The following CFAP221 variants were observed in gnomAD, a reference collection of about 807,000 sequenced individuals.
CFAP221 encodes the protein cilia and flagella associated protein 221.
Under a neutral mutation model 113.1 loss-of-function variants are expected in CFAP221, and 97 were observed. The ratio of observed to expected loss-of-function variants is 0.86; its 90% CI spans 0.73 to 1.02. The LOEUF is 1.02. CFAP221 is among the 50% of genes least tolerant of loss of function. The probability of loss-of-function intolerance (pLI) is 0.00; values close to 1 mark genes in which losing one functional copy is unlikely to be tolerated. For synonymous variants in CFAP221, 331 were observed against 354.4 expected, an observed-to-expected ratio of 0.93 and a Z score of 0.74; for missense variants, 1,025 against 1,013.4, an observed-to-expected ratio of 1.01 and a Z score of -0.16.
Position 119,604,747 on chromosome 2 carries a change from A to T in CFAP221, c.867A>T (p.Ile289=), listed in dbSNP as rs375900727. The stretch of plus-strand genomic sequence containing the variant: ...CTCCAGAAAAAGCAATGATGCATAT[A>T]AATTTTCACCGACCGCCAGCGAAGC... The part of the protein sequence containing the change: ...NVPPEKAMMH[I]NFHRPPAKPK... The change falls in exon 9 of 24, where the codon ATA becomes ATT. Residue 289 remains isoleucine, a synonymous_variant. Transcript: ENST00000413369. 1.7e-4 allele frequency: 257 copies of T among 1,548,890 alleles called. No individual in the cohort carries two copies. The highest frequency in any genetic ancestry group is 2.2e-4 in the Non-Finnish European group (255 of 1,152,392).
intron 19 of CFAP221, among the ~76,000 whole-genome samples, chr2:119,637,903 C>G (rs1381049253): frequency 3.9e-5 from 6 of 152,060 alleles, no homozygotes; most frequent in Non-Finnish European, 8.8e-5. Context: ...TTTTTTAAAC[C>G]AGTGTGCTCA....
In CFAP221 at chr2:119,559,916, C is replaced by T. The variant is rs1681107752; in HGVS notation, c.328-12C>T. 6 of 1,533,078 alleles carry T rather than the reference C, an allele frequency of 3.9e-6. No homozygotes were observed. The highest frequency in any genetic ancestry group is 5.2e-6 in the Non-Finnish European group (6 of 1,144,192). 95.0% of individuals were successfully genotyped at this position (1,533,078 alleles called of 1,614,324 possible). A position where few individuals can be genotyped will look rare whatever the true frequency, so the allele number is the denominator to read the frequency against. ...CGGGGCTTGTCCCAACAAGATGCCA[C>T]CTGTCTTCCAGGAACACCACCTGGT... is the stretch of plus-strand genomic sequence containing the variant. On this transcript the variant is annotated splice_polypyrimidine_tract_variant and intron_variant, in intron 4 of 23. Coordinates refer to ENST00000413369, the MANE Select transcript of CFAP221 (RefSeq NM_001271049.2).
intron 6 of CFAP221, among the ~76,000 whole-genome samples, chr2:119,571,150 T>C (rs1011656624): frequency 6.1e-5 from 9 of 147,342 alleles, no homozygotes; most frequent in African/African-American, 2.3e-4. Flanking sequence ...TTTTTTTTTT[T>C]TTTTTTTGAG....
In CFAP221 at chr2:119,652,102, T is replaced by C. The variant is rs191049845; in HGVS notation, c.2414+33T>C. ...GATGCTTTTATGCCTTATTAAAAGG[T>C]AATCTTGGATGAAATTTGTTCTGCA... On this transcript the variant is annotated intron_variant, in intron 23 of 23. Coordinates refer to ENST00000413369, the MANE Select transcript of CFAP221 (RefSeq NM_001271049.2). 9.6e-5 allele frequency: 146 copies of C among 1,528,256 alleles called. No individual in the cohort carries two copies. In the African/African-American group the frequency reaches 1.5e-3, roughly 16 times the overall value. 94.7% of individuals were successfully genotyped at this position (1,528,256 alleles called of 1,614,324 possible). A position where few individuals can be genotyped will look rare whatever the true frequency, so the allele number is the denominator to read the frequency against.
intron 7 of CFAP221, among the ~76,000 whole-genome samples, chr2:119,596,290 T>G (rs1378424532): frequency 6.6e-6 from 1 of 152,140 alleles, no homozygotes; most frequent in Admixed American, 6.5e-5. Context: ...AGTGGGTGGC[T>G]AGGGGGTGCG....
chr2:119,622,167 A>C (rs1208751744), intron 14 of CFAP221, among the ~76,000 whole-genome samples: 6 of 152,200 alleles, frequency 3.9e-5, no homozygotes, highest in Admixed American at 3.9e-4. Context: ...AGACACAATA[A>C]AAAATTATAA....
downstream of CFAP221, among the ~76,000 whole-genome samples, chr2:119,658,615 A>G (rs574154324): frequency 4.6e-5 from 7 of 150,888 alleles, no homozygotes; most frequent in East Asian, 7.7e-4. Context: ...GCCCCCCTCA[A>G]CACGCACACA....
intron 2 of CFAP221, among the ~76,000 whole-genome samples, chr2:119,546,701 A>C (rs1391725322): frequency 6.6e-6 from 1 of 152,140 alleles, no homozygotes; most frequent in African/African-American, 2.4e-5. Context: ...TCACTGTCTG[A>C]TCTGAACCTG....
At chr2:119,643,529 T>A (rs1191348313) in intron 21 of CFAP221, among the ~76,000 whole-genome samples, 2 of 152,166 alleles carry the variant, frequency 1.3e-5, no homozygotes, top group African/African-American at 4.8e-5. Context: ...TTTTACTTTG[T>A]CAAGTAAGGA....
intron 19 of CFAP221, among the ~76,000 whole-genome samples, chr2:119,631,306 T>TA (rs1348624523): frequency 2.6e-5 from 4 of 152,146 alleles, no homozygotes; most frequent in Admixed American, 1.3e-4. Context: ...GCTACCCCTT[T>TA]AAAAAATTAG....
At chr2:119,650,518 TC>T (rs1047250691) in intron 22 of CFAP221, among the ~76,000 whole-genome samples, 10 of 152,364 alleles carry the variant, frequency 6.6e-5, no homozygotes, top group African/African-American at 2.4e-4. Flanking sequence ...CTCCGTTTCC[TC>T]ATCTTTGAAA....
rs146566593 is a variant in CFAP221 at position 119,627,716 on chromosome 2, C to T, written c.1580C>T (p.Ser527Phe). 3 of 1,613,842 alleles carry T rather than the reference C, an allele frequency of 1.9e-6. No individual in the cohort carries two copies. The African/African-American group carries it at 4.0e-5, about 22-fold the overall frequency. The part of the protein sequence containing the change: ...ISQDDYTSRF[S>F]VSPKEVLPFA... ...CAGGATGATTATACCAGCCGGTTCT[C>T]TGTGTCGCCCAAGGAGGTGCTGCCC... The change falls in exon 16 of 24, where the codon TCT becomes TTT. Residue 527 changes from serine to phenylalanine, a missense_variant. Ser to Phe is a radical substitution (Grantham distance 155). Transcript: ENST00000413369.
intron 8 of CFAP221, among the ~76,000 whole-genome samples, chr2:119,604,442 GAATGT>G (rs1558952580): frequency 1.3e-5 from 2 of 151,630 alleles, no homozygotes; most frequent in Non-Finnish European, 2.9e-5. Flanking sequence ...CAAAAAAAAA[GAATGT>G]AAGGCAAAAA....
intron 6 of CFAP221, among the ~76,000 whole-genome samples, chr2:119,583,829 T>C (rs1196417053): frequency 6.6e-6 from 1 of 152,184 alleles, no homozygotes; most frequent in East Asian, 1.9e-4. Context: ...GCCCCTTCCA[T>C]TATGCGAAGA....
Position 119,638,301 on chromosome 2 carries a change from T to A in CFAP221, c.2017T>A (p.Tyr673Asn). Residue 673 changes from tyrosine (Y) to asparagine (N), a missense_variant, in exon 20 of 24, where the codon TAT (tyrosine) becomes AAT (asparagine). Tyr to Asn is a moderately radical substitution (Grantham distance 143). Coordinates refer to ENST00000413369, the MANE Select transcript of CFAP221 (RefSeq NM_001271049.2). ...ATTTGCTGTAATGCATCCTCTGACC[T>A]ATGCAGAAACGTTGATAGATTACCA... is the stretch of plus-strand genomic sequence containing the variant. ...GLFAVMHPLTYAETLIDYHLC... is the reference protein window; with the variant it reads ...GLFAVMHPLTNAETLIDYHLC... 1 of 1,614,106 alleles carries A rather than the reference T, an allele frequency of 6.2e-7. No homozygotes were observed.
At chr2:119,621,322 G>A (rs1685904520) in intron 14 of CFAP221, among the ~76,000 whole-genome samples, 1 of 151,858 alleles carries the variant, frequency 6.6e-6, no homozygotes, top group South Asian at 2.1e-4. Flanking sequence ...ATGGTAAAGG[G>A]ATCAACACAA....
At chr2:119,603,142 A>G (rs149925893) in intron 8 of CFAP221, among the ~76,000 whole-genome samples, 15 of 152,156 alleles carry the variant, frequency 9.9e-5, no homozygotes, top group Non-Finnish European at 4.4e-5. Context: ...TGCTTTCTTC[A>G]TTTCATTATA....
At chr2:119,630,165 A>G (rs2104762094) in intron 17 of CFAP221, among the ~76,000 whole-genome samples, 1 of 152,364 alleles carries the variant, frequency 6.6e-6, no homozygotes, top group African/African-American at 2.4e-5. Context: ...CTCTGTGGAT[A>G]TACCTATATC....
In CFAP221 at chr2:119,608,589, GGT is replaced by G; in HGVS notation, c.1221+1_1221+2del. ...GGCAAAAAGCATGTGCCAAATATAA[GGT>G]CAGAGTTACTGCTAATTTGCTATCA... is the stretch of plus-strand genomic sequence containing the variant. On this transcript the variant is annotated splice_donor_variant, in intron 12 of 23. Transcript: ENST00000413369. LOFTEE classifies it high-confidence loss of function. 1 of 1,606,254 alleles carries G rather than the reference GGT, an allele frequency of 6.2e-7. No homozygotes were observed. The highest frequency in any genetic ancestry group is 8.5e-7 in the Non-Finnish European group (1 of 1,175,010).
Sources: allele counts gnomAD v4.1 joint callset (sites outside exome capture counted in the v4.1 genomes callset), GRCh38; gene constraint gnomAD v4.1.1; transcripts MANE v1.5; gene names NCBI Gene and HGNC (gene_info 2026-07-23, HGNC 2026-07-21).